LARGE1: variants seen among roughly 807,000 people sequenced by gnomAD.
LARGE1 encodes xylosyl- and glucuronyltransferase LARGE1.
In LARGE1, 43 loss-of-function variants were observed where a neutral mutation model predicts 87.6. That is an observed-to-expected ratio of 0.49 (90% confidence interval 0.38 to 0.63). The LOEUF (loss-of-function observed/expected upper bound fraction) is 0.63. Ranked by LOEUF, LARGE1 falls within the 30% of genes least tolerant of loss-of-function variation. The pLI, the probability that LARGE1 is intolerant of heterozygous loss-of-function variation, is 0.00. For synonymous variants in LARGE1, 434 were observed against 394.6 expected, an observed-to-expected ratio of 1.10 and a Z score of -1.18; for missense variants, 802 against 1,000.2, an observed-to-expected ratio of 0.80 and a Z score of 2.67.
intron 9 of LARGE1, among the ~76,000 whole-genome samples, chr22:33,366,512 T>C (rs2064598121): frequency 6.6e-6 from 1 of 152,254 alleles, no homozygotes; most frequent in Admixed American, 6.5e-5. Flanking sequence ...TAAATCACTC[T>C]TGTCTTTCCT....
chr22:33,896,691 C>T (rs957700171), intron 1 of LARGE1, among the ~76,000 whole-genome samples: 3 of 152,314 alleles, frequency 2.0e-5, no homozygotes, highest in South Asian at 2.1e-4. Flanking sequence ...TGAGGCCTAG[C>T]GACACTGATC....
At chr22:33,286,220 A>G (rs978111250) in intron 12 of LARGE1, among the ~76,000 whole-genome samples, 1 of 152,164 alleles carries the variant, frequency 6.6e-6, no homozygotes, top group Non-Finnish European at 1.5e-5. Context: ...CAAACATCCA[A>G]GATTCCCTCC....
At chr22:33,734,884 C>G (rs1353282362) in intron 2 of LARGE1, among the ~76,000 whole-genome samples, 4 of 152,168 alleles carry the variant, frequency 2.6e-5, no homozygotes, top group Non-Finnish European at 4.4e-5. Flanking sequence ...TGGAATGCCT[C>G]ACACCTGTTT....
intron 1 of LARGE1, among the ~76,000 whole-genome samples, chr22:33,881,334 G>A (rs994791979): frequency 1.3e-5 from 2 of 152,206 alleles, no homozygotes; most frequent in African/African-American, 4.8e-5. Context: ...TCCCCCAGGC[G>A]AAGTCACCTC....
the LARGE1 span, among the ~76,000 whole-genome samples, chr22:33,110,244 T>C: frequency 6.6e-6 from 1 of 152,218 alleles, no homozygotes; most frequent in African/African-American, 2.4e-5. Flanking sequence ...TGGGGCCTGA[T>C]TAATGTGAGC....
intron 11 of LARGE1, among the ~76,000 whole-genome samples, chr22:33,193,865 A>T (rs1185622160): frequency 6.8e-6 from 1 of 148,026 alleles, no homozygotes. Context: ...TATTGTTTTT[A>T]TATATTATAT....
At position 33,564,819 on chromosome 22, in the gene LARGE1, C is replaced by T. The variant is rs377513596; in HGVS notation, c.787+29G>A. ...GGCATGCTGATACCTACAAGGATATCGGGGAAAAAACGAATGGGCTACCAT... is the reference window on the plus strand; with the variant it reads ...GGCATGCTGATACCTACAAGGATATTGGGGAAAAAACGAATGGGCTACCAT... On this transcript the variant is annotated intron_variant, in intron 6 of 14. Coordinates refer to ENST00000397394, the MANE Select transcript of LARGE1 (RefSeq NM_133642.5). The T allele has an allele frequency of 4.3e-5, 69 of 1,612,712 alleles. No homozygotes were observed. In the Middle Eastern group the frequency reaches 1.2e-3, roughly 28 times the overall value.
At chr22:33,549,546 T>A (rs896421868) in intron 6 of LARGE1, among the ~76,000 whole-genome samples, 2 of 152,212 alleles carry the variant, frequency 1.3e-5, no homozygotes, top group Admixed American at 6.5e-5. Context: ...GGGGAATGAA[T>A]GAATTTATTT....
At chr22:33,600,165 G>C (rs1479789012) in intron 5 of LARGE1, among the ~76,000 whole-genome samples, 2 of 152,136 alleles carry the variant, frequency 1.3e-5, no homozygotes, top group African/African-American at 4.8e-5. Flanking sequence ...TCTGCCATCG[G>C]TTTTATTATT....
At chr22:33,763,143 T>C (rs1255225213) in intron 1 of LARGE1, among the ~76,000 whole-genome samples, 2 of 152,180 alleles carry the variant, frequency 1.3e-5, no homozygotes, top group Admixed American at 6.5e-5. Context: ...CTTTAAAACT[T>C]AGCATATTGC....
At chr22:33,278,553 TCACA>T (rs113415022) in intron 13 of LARGE1, among the ~76,000 whole-genome samples, 3,287 of 148,688 alleles carry the variant, frequency 0.022, 57 homozygotes, top group South Asian at 0.042. Context: ...TCTCTCTCTC[TCACA>T]CACACACACA....
chr22:33,478,997 T>TTTCCCCAAGGAACAG (rs1367983164), intron 6 of LARGE1, among the ~76,000 whole-genome samples: 3 of 152,158 alleles, frequency 2.0e-5, no homozygotes, highest in African/African-American at 7.2e-5. Flanking sequence ...TACAACAGCT[T>TTTCCCCAAGGAACAG]TTCCCCCAAG....
the LARGE1 span, among the ~76,000 whole-genome samples, chr22:33,104,937 TTCTTTCTTTCTCTTTCTC>T: frequency 8.5e-6 from 1 of 117,348 alleles, no homozygotes; most frequent in African/African-American, 3.0e-5. Flanking sequence ...CTTTCTTTCT[TTCTTTCTTTCTCTTTCTC>T]TCTTTCTCTC....
intron 6 of LARGE1, among the ~76,000 whole-genome samples, chr22:33,451,332 C>A (rs2067910353): frequency 6.6e-6 from 1 of 150,998 alleles, no homozygotes; most frequent in Non-Finnish European, 1.5e-5. Context: ...GAAAAGAACG[C>A]TCAGCTGCCA....
chr22:33,729,526 G>T (rs922113754), intron 2 of LARGE1, among the ~76,000 whole-genome samples: 1 of 152,172 alleles, frequency 6.6e-6, no homozygotes, highest in African/African-American at 2.4e-5. Context: ...ATCAGTTAGG[G>T]TATAACACAC....
chr22:33,448,329 A>G (rs1007238623), intron 6 of LARGE1, among the ~76,000 whole-genome samples: 5 of 152,248 alleles, frequency 3.3e-5, no homozygotes, highest in African/African-American at 1.2e-4. Flanking sequence ...TATGTCAAGT[A>G]GCTTGATTTG....
chr22:33,469,527 G>A (rs2068745772), intron 6 of LARGE1, among the ~76,000 whole-genome samples: 1 of 152,118 alleles, frequency 6.6e-6, no homozygotes. Context: ...GGGTGTGGAG[G>A]GTGGGAAGAG....
At chr22:33,368,700 T>C (rs1055215965) in intron 9 of LARGE1, among the ~76,000 whole-genome samples, 1 of 152,226 alleles carries the variant, frequency 6.6e-6, no homozygotes, top group South Asian at 2.1e-4. Flanking sequence ...CTTGGAGATA[T>C]TGTGGGTTTG....
chr22:33,205,950 T>C (rs1924656298), intron 11 of LARGE1, among the ~76,000 whole-genome samples: 1 of 85,442 alleles, frequency 1.2e-5, no homozygotes, highest in South Asian at 4.6e-4. Flanking sequence ...TGCTAATTCT[T>C]TTTTTTTTTT....
Sources: allele counts gnomAD v4.1 joint callset (sites outside exome capture counted in the v4.1 genomes callset), GRCh38; gene constraint gnomAD v4.1.1; transcripts MANE v1.5; gene names NCBI Gene and HGNC (gene_info 2026-07-23, HGNC 2026-07-21).